SAMD9: variants seen among roughly 807,000 people sequenced by gnomAD.
SAMD9 encodes the protein sterile alpha motif domain-containing protein 9.
In SAMD9, 3 loss-of-function variants were observed where a neutral mutation model predicts 1.5. The ratio of observed to expected loss-of-function variants is 2.05; its 90% CI spans 0.93 to 5.29. The LOEUF is 5.29. SAMD9 is among the 30% of genes most tolerant of loss of function. The pLI is 0.02. For synonymous variants in SAMD9, 635 were observed against 631.9 expected (o/e 1.00, Z -0.07); for missense variants, 1,597 against 1,820.8 (o/e 0.88, Z 2.24).
At chr7:93,117,031 A>G (rs548726640) in intron 1 of SAMD9, among the ~76,000 whole-genome samples, 5 of 152,234 alleles carry the variant, frequency 3.3e-5, no homozygotes, top group Non-Finnish European at 7.4e-5. Flanking sequence ...TAAACCTAGT[A>G]TTTTTGCCAG....
At position 93,104,383 on chromosome 7, in the gene SAMD9, T is replaced by A; in HGVS notation, c.1715A>T (p.Asn572Ile). The A allele has an allele frequency of 6.2e-7, 1 of 1,613,932 alleles. No individual in the cohort carries two copies. Among genetic ancestry groups the A allele is most frequent in the Non-Finnish European group, 8.5e-7 (1 of 1,179,872 alleles). ...TGGGTGCACACAAATACACAGTATA[T>A]TTTCCATTCCTTTGAGATCCTGGTA... ...AFYQDLKGME[N>I]ILCICVHPHI... Residue 572 changes from asparagine to isoleucine, a missense_variant, in exon 3 of 3, where the codon AAT (asparagine) becomes ATT (isoleucine). Transcript: ENST00000379958.
At chr7:93,107,177 A>T (rs1223107497) in intron 2 of SAMD9, among the ~76,000 whole-genome samples, 1 of 151,734 alleles carries the variant, frequency 6.6e-6, no homozygotes. Flanking sequence ...AAGTGCTGGG[A>T]TTACAGGCGT....
rs746230792 is a variant in SAMD9 at position 93,102,250 on chromosome 7, T to C, written c.3848A>G (p.Asn1283Ser). The change falls in exon 3 of 3, where the codon AAT (asparagine) becomes AGT (serine). Residue 1283 changes from asparagine to serine, a missense_variant. Asn to Ser is a conservative substitution (Grantham distance 46). Around this residue, in one of 6 missense-constraint regions of SAMD9, gnomAD observed 682 missense variants for 810.0 expected, o/e 0.84. Coordinates refer to ENST00000379958, the MANE Select transcript of SAMD9 (RefSeq NM_017654.4). ...EYFVLLKPRN[N>S]IKQNEEAKTR... The stretch of plus-strand genomic sequence containing the variant: ...TTTGGCCTCTTCATTTTGCTTAATA[T>C]TGTTCCTGGGTTTTAGCAGGACAAA... 1.9e-6 allele frequency: 3 copies of C among 1,613,596 alleles called. No individual in the cohort carries two copies. The highest frequency in any genetic ancestry group is 3.3e-5 in the Admixed American group (2 of 59,972).
rs759777299 is a variant in SAMD9 at position 93,105,411 on chromosome 7, T to A, written c.687A>T (p.Ser229=). Residue 229 remains serine (S), a synonymous_variant, in exon 3 of 3, where the codon TCA becomes TCT. Coordinates refer to ENST00000379958, the MANE Select transcript of SAMD9 (RefSeq NM_017654.4). ...VFRFASACMN[S]RTNGTIHFGV... ...CAAAATGAATAGTGCCATTGGTACGTGAATTCATACAAGCTGAAGCAAATC... is the reference window on the plus strand; with the variant it reads ...CAAAATGAATAGTGCCATTGGTACGAGAATTCATACAAGCTGAAGCAAATC... 4 of 1,614,084 alleles carry A rather than the reference T, an allele frequency of 2.5e-6. No individual in the cohort carries two copies. Among genetic ancestry groups the A allele is most frequent in the Non-Finnish European group, 3.4e-6 (4 of 1,179,992 alleles).
At position 93,104,963 on chromosome 7, in the gene SAMD9, T is replaced by A. The variant is rs572262935; in HGVS notation, c.1135A>T (p.Lys379Ter). 6.2e-7 allele frequency: 1 copy of A among 1,611,244 alleles called. No individual in the cohort carries two copies. The highest frequency in any genetic ancestry group is 1.1e-5 in the South Asian group (1 of 90,208). Residue 379 changes from lysine (K) to a stop codon, truncating the protein, a stop_gained, in exon 3 of 3, where the codon AAA becomes TAA. Transcript: ENST00000379958. LOFTEE classifies it low-confidence loss of function (END_TRUNC). The part of the protein sequence containing the change: ...LAESRKAAEE[K>*]FRAKTNKKER... ...TTTTTATTTGTTTTTGCTCTGAATT[T>A]TTCTTCTGCTGCTTTTCTGGACTCT...
chr7:93,107,050 T>G (rs536246752), intron 2 of SAMD9, among the ~76,000 whole-genome samples: 5 of 152,220 alleles, frequency 3.3e-5, no homozygotes, highest in African/African-American at 1.2e-4. Context: ...TTAATTTTTT[T>G]TTTTTTTGAG....
Position 93,102,942 on chromosome 7 carries a change from G to A in SAMD9, c.3156C>T (p.Ser1052=). 1.2e-6 allele frequency: 2 copies of A among 1,613,826 alleles called. No individual in the cohort carries two copies. Among genetic ancestry groups the A allele is most frequent in the Non-Finnish European group, 1.7e-6 (2 of 1,179,828 alleles). The part of the protein sequence containing the change: ...EHEGETGNWF[S]PFIEALHKDE... ...CTTTATGTAATGCTTCAATAAATGG[G>A]GAAAACCAATTTCCTGTTTCACCTT... is the stretch of plus-strand genomic sequence containing the variant. Residue 1052 remains serine (S), a synonymous_variant, in exon 3 of 3, where the codon TCC becomes TCT. Coordinates refer to ENST00000379958, the MANE Select transcript of SAMD9 (RefSeq NM_017654.4).
In SAMD9 at chr7:93,101,933, T is replaced by C. The variant is rs1170410823; in HGVS notation, c.4165A>G (p.Ile1389Val). Residue 1389 changes from isoleucine to valine, a missense_variant, in exon 3 of 3, where the codon ATC (isoleucine) becomes GTC (valine). Ile to Val is a conservative substitution (Grantham distance 29). Transcript: ENST00000379958. Reference protein sequence around the residue: ...KIQSKEKLNFILANIILSCIQ... With the variant: ...KIQSKEKLNFVLANIILSCIQ... ...CAGGAGAGAATAATGTTGGCCAAGATGAAATTTAGCTTTTCTTTTGACTGG... is the reference window on the plus strand; with the variant it reads ...CAGGAGAGAATAATGTTGGCCAAGACGAAATTTAGCTTTTCTTTTGACTGG... 1.9e-6 allele frequency: 3 copies of C among 1,613,712 alleles called. No homozygotes were observed. In the African/African-American group the frequency reaches 4.0e-5, roughly 22 times the overall value.
At chr7:93,109,147 T>C (rs1791696574) in intron 2 of SAMD9, among the ~76,000 whole-genome samples, 1 of 152,148 alleles carries the variant, frequency 6.6e-6, no homozygotes, top group South Asian at 2.1e-4. Context: ...TCTGCAATAT[T>C]TGCTGTTCTG....
rs1791520963 is a variant in SAMD9, at chr7:93,101,199, T to C, written c.*129A>G. 1.3e-6 allele frequency: 1 copy of C among 742,888 alleles called. No homozygotes were observed. The highest frequency in any genetic ancestry group is 2.4e-6 in the Non-Finnish European group (1 of 423,064). The allele number at this position is 742,888 out of a possible 1,614,324, so 46.0% of individuals were successfully genotyped here. ...ATAACATGTTTAAGAGGAAATTAAATACTGCATGTACAGATCTGAAGAGCT... is the reference window on the plus strand; with the variant it reads ...ATAACATGTTTAAGAGGAAATTAAACACTGCATGTACAGATCTGAAGAGCT... On this transcript the variant is annotated 3_prime_UTR_variant, in exon 3 of 3. Coordinates refer to ENST00000379958, the MANE Select transcript of SAMD9 (RefSeq NM_017654.4).
Position 93,103,510 on chromosome 7 carries a change from C to A in SAMD9, c.2588G>T (p.Arg863Ile). Reference protein sequence around the residue: ...VIQQLSPKEQRAFELKLKEIK... With the variant: ...VIQQLSPKEQIAFELKLKEIK... ...TTCTTTCAATTTAAGCTCAAAAGCT[C>A]TCTGTTCTTTGGGAGAGAGTTGCTG... The change falls in exon 3 of 3, where the codon AGA becomes ATA. Residue 863 changes from arginine to isoleucine, a missense_variant. Transcript: ENST00000379958. 1 of 1,613,702 alleles carries A rather than the reference C, an allele frequency of 6.2e-7. No individual in the cohort carries two copies. The highest frequency in any genetic ancestry group is 8.5e-7 in the Non-Finnish European group (1 of 1,179,716).
chr7:93,102,562 T>C lies in SAMD9; in HGVS notation c.3536A>G (p.Glu1179Gly), dbSNP rs766505454. 1.2e-6 allele frequency: 2 copies of C among 1,613,780 alleles called. No homozygotes were observed. The highest frequency in any genetic ancestry group is 1.7e-6 in the Non-Finnish European group (2 of 1,179,798). Reference protein sequence around the residue: ...QSEDREYEVKERLYPKSKRRY... With the variant: ...QSEDREYEVKGRLYPKSKRRY... Reference sequence around the variant, plus strand: ...CCTTTTTGACTTCGGATACAATCTTTCCTTCACTTCATACTCTCTATCTTC... The same window carrying C: ...CCTTTTTGACTTCGGATACAATCTTCCCTTCACTTCATACTCTCTATCTTC... Residue 1179 changes from glutamate (E) to glycine (G), a missense_variant, in exon 3 of 3, where the codon GAA (glutamate) becomes GGA (glycine). Around this residue, in one of 6 missense-constraint regions of SAMD9, gnomAD observed 682 missense variants for 810.0 expected, o/e 0.84. Coordinates refer to ENST00000379958, the MANE Select transcript of SAMD9 (RefSeq NM_017654.4).
intron 1 of SAMD9, among the ~76,000 whole-genome samples, chr7:93,116,268 C>T (rs4729071): frequency 0.41 from 62,686 of 152,104 alleles, 15,848 homozygotes; most frequent in African/African-American, 0.7. Context: ...TTATTTGATT[C>T]ATGCAAGAAC....
chr7:93,108,492 C>A (rs1791681814), intron 2 of SAMD9, among the ~76,000 whole-genome samples: 1 of 152,170 alleles, frequency 6.6e-6, no homozygotes, highest in Non-Finnish European at 1.5e-5. Context: ...TGAGCCAAAG[C>A]AGGGCAGGGC....
At position 93,102,772 on chromosome 7, in the gene SAMD9, G is replaced by C. The variant is rs1791557041; in HGVS notation, c.3326C>G (p.Ala1109Gly). 6.2e-7 allele frequency: 1 copy of C among 1,613,736 alleles called. No homozygotes were observed. The highest frequency in any genetic ancestry group is 8.5e-7 in the Non-Finnish European group (1 of 1,179,734). The change falls in exon 3 of 3, where the codon GCA becomes GGA. Residue 1109 changes from alanine (A) to glycine (G), a missense_variant. Physicochemically the swap from Ala to Gly is moderately conservative, Grantham distance 60 (BLOSUM62 0). Around this residue, in one of 6 missense-constraint regions of SAMD9, gnomAD observed 682 missense variants for 810.0 expected, o/e 0.84. Coordinates refer to ENST00000379958, the MANE Select transcript of SAMD9 (RefSeq NM_017654.4). The part of the protein sequence containing the change: ...FGNALNWAKQ[A>G]KIIEPDNSYI... ...AGAATTGTCAGGTTCTATGATTTTTGCTTGTTTTGCCCAGTTTAGAGCATT... is the reference window on the plus strand; with the variant it reads ...AGAATTGTCAGGTTCTATGATTTTTCCTTGTTTTGCCCAGTTTAGAGCATT...
At chr7:93,109,060 G>A (rs541806795) in intron 2 of SAMD9, among the ~76,000 whole-genome samples, 35 of 152,248 alleles carry the variant, frequency 2.3e-4, no homozygotes, top group Middle Eastern at 3.4e-3. Context: ...AGTAGGGGCC[G>A]ACCGACACCT....
Position 93,104,020 on chromosome 7 carries a change from T to G in SAMD9, c.2078A>C (p.Asn693Thr). Residue 693 changes from asparagine (N) to threonine (T), a missense_variant, in exon 3 of 3, where the codon AAC becomes ACC. This residue lies in a region of SAMD9 where 358 missense variants were observed against 460.4 expected (regional missense o/e 0.78). Coordinates refer to ENST00000379958, the MANE Select transcript of SAMD9 (RefSeq NM_017654.4). ...ATAACTTTCAGAAGAGAAGTAGAAG[T>G]TCCACCATGACACTTTGCCACCTCG... The part of the protein sequence containing the change: ...FYRGGKVSWW[N>T]FYFSSESYSS... 1 of 1,613,922 alleles carries G rather than the reference T, an allele frequency of 6.2e-7. No individual in the cohort carries two copies. Among genetic ancestry groups the G allele is most frequent in the Non-Finnish European group, 8.5e-7 (1 of 1,179,846 alleles).
intron 2 of SAMD9, among the ~76,000 whole-genome samples, chr7:93,113,251 A>T (rs1042323517): frequency 6.6e-6 from 1 of 152,240 alleles, no homozygotes; most frequent in South Asian, 2.1e-4. Context: ...GGCTAGCCAT[A>T]TATAGAAAGC....
chr7:93,106,039 T>C lies in SAMD9; in HGVS notation c.59A>G (p.Asn20Ser), dbSNP rs1791638938. The change falls in exon 3 of 3, where the codon AAT becomes AGT. Residue 20 changes from asparagine to serine, a missense_variant. By Grantham distance (46) the Asn-to-Ser change is conservative (BLOSUM62 1). Coordinates refer to ENST00000379958, the MANE Select transcript of SAMD9 (RefSeq NM_017654.4). ...NTDDWTKEDV[N>S]QWLESHKIDQ... ...AATCTTATGACTTTCTAACCACTGATTTACATCCTCTTTTGTCCAATCATC... is the reference window on the plus strand; with the variant it reads ...AATCTTATGACTTTCTAACCACTGACTTACATCCTCTTTTGTCCAATCATC... The C allele has an allele frequency of 1.3e-6, 2 of 1,594,192 alleles. No individual in the cohort carries two copies. Among genetic ancestry groups the C allele is most frequent in the African/African-American group, 2.7e-5 (2 of 73,464 alleles).
Sources: gnomAD v4.1 joint callset for allele counts (sites outside exome capture counted in the v4.1 genomes callset) on GRCh38, gnomAD v4.1.1 for gene constraint, gnomAD v4.1.1 regional missense constraint, MANE v1.5 for transcripts, NCBI Gene and HGNC (gene_info 2026-07-23, HGNC 2026-07-21) for gene names.